KIRREL3: variants seen among roughly 807,000 people sequenced by gnomAD.
KIRREL3 encodes kin of IRRE-like protein 3.
In KIRREL3, 36 loss-of-function variants were observed where a neutral mutation model predicts 89.7. That is an observed-to-expected ratio of 0.40 (90% CI 0.31 to 0.53). The LOEUF (loss-of-function observed/expected upper bound fraction) is 0.53, where lower values mean the gene tolerates loss of function less well. Ranked by LOEUF, KIRREL3 falls within the 20% of genes least tolerant of loss-of-function variation. The pLI is 0.49. For synonymous variants in KIRREL3, 445 were observed against 441.4 expected (o/e 1.01, Z -0.10); for missense variants, 864 against 1,056.6 (o/e 0.82, Z 2.53).
Position 126,442,905 on chromosome 11 carries a change from A to C in KIRREL3, c.1252+2074T>G, listed in dbSNP as rs550525738. Among the ~76,000 whole-genome samples the C allele has an allele frequency of 1.5e-4, 23 of 152,296 alleles. No homozygotes were observed. In the East Asian group the frequency reaches 4.4e-3, roughly 29 times the overall value. On this transcript the variant is annotated intron_variant, in intron 10 of 16. Coordinates refer to ENST00000525144, the MANE Select transcript of KIRREL3 (RefSeq NM_032531.4). ...GAAGCCTCGGGGAGCTTGTGCTGGC[A>C]GGGGTGGAGGCAGAGGAGGGGAGAG...
chr11:126,766,063 C>T lies in KIRREL3; in HGVS notation c.56-203151G>A, dbSNP rs1205370330. 6.6e-6 allele frequency among the ~76,000 whole-genome samples: 1 copy of T among 151,868 alleles called. No homozygotes were observed. The highest frequency in any genetic ancestry group is 1.5e-5 in the Non-Finnish European group (1 of 67,982). On this transcript the variant is annotated intron_variant, in intron 1 of 16. Transcript: ENST00000525144. The surrounding 1 kb of genome is among the most constrained non-coding windows in gnomAD (Gnocchi z 4.2). The stretch of plus-strand genomic sequence containing the variant: ...TTGCTTTGCCGTTTACTTCCAAATT[C>T]CCATAACTCACTGCTTTTGCCAGCC...
At chr11:126,726,315 C>T (rs1429061064) in intron 1 of KIRREL3, among the ~76,000 whole-genome samples, 1 of 152,180 alleles carries the variant, frequency 6.6e-6, no homozygotes, top group Non-Finnish European at 1.5e-5. Context: ...TTTCCCTGGA[C>T]TTCTCTGGGG....
At chr11:126,923,266 TCTCCTTCTCCTTCTCCTTCTC>T (rs1947528676) in intron 1 of KIRREL3, among the ~76,000 whole-genome samples, 12 of 79,148 alleles carry the variant, frequency 1.5e-4, no homozygotes, top group African/African-American at 3.8e-4. Context: ...TTCTTCTTCT[TCTCCTTCTCCTTCTCCTTCTC>T]CTTCTCCTTC....
At chr11:126,600,309 C>A (rs1942596023) in intron 1 of KIRREL3, among the ~76,000 whole-genome samples, 1 of 152,236 alleles carries the variant, frequency 6.6e-6, no homozygotes, top group Non-Finnish European at 1.5e-5. Context: ...TGACTTACAT[C>A]TTGATTGCAG....
At chr11:126,693,239 C>T (rs771436549) in intron 1 of KIRREL3, among the ~76,000 whole-genome samples, 3 of 152,106 alleles carry the variant, frequency 2.0e-5, no homozygotes, top group East Asian at 3.9e-4. Flanking sequence ...GGCAACACAG[C>T]GAAACCCTGT....
rs1014297247 is a variant in KIRREL3 at position 126,624,338 on chromosome 11, A to C, written c.56-61426T>G. On this transcript the variant is annotated intron_variant, in intron 1 of 16. Transcript: ENST00000525144. This position sits in a 1 kb window ranked among gnomAD's most constrained non-coding sequence, Gnocchi z 6.0. The stretch of plus-strand genomic sequence containing the variant: ...TTCTCCTCTGATTTCCACTAGGAAA[A>C]AACAAAACAAAACAAAACAAAACCT... Among the ~76,000 whole-genome samples, 3 of 152,156 alleles carry C rather than the reference A, an allele frequency of 2.0e-5. No individual in the cohort carries two copies. The highest frequency in any genetic ancestry group is 7.2e-5 in the African/African-American group (3 of 41,420).
At chr11:126,586,087 G>A (rs1169258589) in intron 1 of KIRREL3, among the ~76,000 whole-genome samples, 1 of 152,142 alleles carries the variant, frequency 6.6e-6, no homozygotes, top group African/African-American at 2.4e-5. Flanking sequence ...GCATTACTCA[G>A]CCACAGGATC....
chr11:126,856,846 G>T (rs1270574930), intron 1 of KIRREL3, among the ~76,000 whole-genome samples: 5 of 151,938 alleles, frequency 3.3e-5, no homozygotes, highest in Non-Finnish European at 7.4e-5. Flanking sequence ...ACTCACCTCG[G>T]CCTCCCAAAG....
chr11:126,424,923 C>T lies in KIRREL3; in HGVS notation c.1994G>A (p.Gly665Asp). ...CATGCCTGTGGGCACACGCTGCTTGCCCGCAGGACGCAGGTCGGGCTGGCA... is the reference window on the plus strand; with the variant it reads ...CATGCCTGTGGGCACACGCTGCTTGTCCGCAGGACGCAGGTCGGGCTGGCA... ...SSCQPDLRPA[G>D]KQRVPTGMSF... is the part of the protein sequence containing the mutation. The change falls in exon 17 of 17, where the codon GGC (glycine) becomes GAC (aspartate). Residue 665 changes from glycine (G) to aspartate (D), a missense_variant. Gly to Asp is a moderately conservative substitution (Grantham distance 94). Transcript: ENST00000525144. 6.2e-7 allele frequency: 1 copy of T among 1,603,800 alleles called. No homozygotes were observed. Among genetic ancestry groups the T allele is most frequent in the Non-Finnish European group, 8.5e-7 (1 of 1,172,038 alleles).
In KIRREL3 at chr11:126,696,249, T is replaced by A. The variant is rs1186802067; in HGVS notation, c.56-133337A>T. Reference sequence around the variant, plus strand: ...TCCAGCCTGGGCCACTGAGCGAGACTCTATCTCAATTAAAAAAAAAAAAAA... The same window carrying A: ...TCCAGCCTGGGCCACTGAGCGAGACACTATCTCAATTAAAAAAAAAAAAAA... On this transcript the variant is annotated intron_variant, in intron 1 of 16. Transcript: ENST00000525144. This position sits in a 1 kb window ranked among gnomAD's most constrained non-coding sequence, Gnocchi z 4.4. Among the ~76,000 whole-genome samples the A allele has an allele frequency of 6.7e-6, 1 of 149,856 alleles. No homozygotes were observed. Among genetic ancestry groups the A allele is most frequent in the Non-Finnish European group, 1.5e-5 (1 of 67,704 alleles).
chr11:126,880,595 A>G (rs551060257), intron 1 of KIRREL3, among the ~76,000 whole-genome samples: 1 of 152,040 alleles, frequency 6.6e-6, no homozygotes, highest in Non-Finnish European at 1.5e-5. Flanking sequence ...TGCAGAAACC[A>G]AGGTAACAAT....
chr11:126,794,563 T>C, intron 1 of KIRREL3, among the ~76,000 whole-genome samples: 1 of 152,238 alleles, frequency 6.6e-6, no homozygotes, highest in East Asian at 1.9e-4. Flanking sequence ...TATTGATTTG[T>C]ATTACAAAAA....
Position 126,969,260 on chromosome 11 carries a change from C to T in KIRREL3, c.55+31195G>A, listed in dbSNP as rs1280224051. 6.6e-6 allele frequency among the ~76,000 whole-genome samples: 1 copy of T among 152,168 alleles called. No individual in the cohort carries two copies. Among genetic ancestry groups the T allele is most frequent in the Non-Finnish European group, 1.5e-5 (1 of 68,038 alleles). ...GACACAATAGACATGGAGTGCCTCCCATGGACACAGGGAATGAAGGGATAG... is the reference window on the plus strand; with the variant it reads ...GACACAATAGACATGGAGTGCCTCCTATGGACACAGGGAATGAAGGGATAG... On this transcript the variant is annotated intron_variant, in intron 1 of 16. Transcript: ENST00000525144. This position sits in a 1 kb window ranked among gnomAD's most constrained non-coding sequence, Gnocchi z 4.9.
At chr11:126,927,461 T>A (rs1199357326) in intron 1 of KIRREL3, among the ~76,000 whole-genome samples, 2 of 152,266 alleles carry the variant, frequency 1.3e-5, no homozygotes. Context: ...TGTGAGTTTG[T>A]ACTAGGCTTA....
Position 126,443,925 on chromosome 11 carries a change from G to C in KIRREL3, c.1252+1054C>G, listed in dbSNP as rs117632196. ...GGGCAGTGGGCATGACAGAGGTGAG[G>C]GGGGAGCATTCGGAAACGGCAGAGG... On this transcript the variant is annotated intron_variant, in intron 10 of 16. Transcript: ENST00000525144. This position sits in a 1 kb window ranked among gnomAD's most constrained non-coding sequence, Gnocchi z 7.3. 1.2e-3 allele frequency among the ~76,000 whole-genome samples: 178 copies of C among 152,278 alleles called. No individual in the cohort carries two copies. Among genetic ancestry groups the C allele is most frequent in the South Asian group, 2.3e-3 (11 of 4,820 alleles).
chr11:126,713,934 C>A (rs1294809010), intron 1 of KIRREL3, among the ~76,000 whole-genome samples: 1 of 152,162 alleles, frequency 6.6e-6, no homozygotes, highest in Non-Finnish European at 1.5e-5. Flanking sequence ...TAGGGCAGGT[C>A]AGCTAAGGAC....
In KIRREL3 at chr11:126,611,069, A is replaced by G. The variant is rs780645785; in HGVS notation, c.56-48157T>C. On this transcript the variant is annotated intron_variant, in intron 1 of 16. Transcript: ENST00000525144. The surrounding 1 kb of genome is among the most constrained non-coding windows in gnomAD (Gnocchi z 4.7). ...GGGGCTAAGAGTACAGGTGCAAGAG[A>G]CAGACCGCCCACATTAAAATCTGAC... 9 of 152,184 alleles carry G rather than the reference A, an allele frequency of 5.9e-5. No homozygotes were observed. The highest frequency in any genetic ancestry group is 9.7e-5 in the African/African-American group (4 of 41,444). The allele number at this position is 152,184 out of a possible 1,614,324, so 9.4% of individuals were successfully genotyped here. A position where few individuals can be genotyped will look rare whatever the true frequency, so the allele number is the denominator to read the frequency against.
rs932602827 is a variant in KIRREL3 at position 126,578,662 on chromosome 11, C to T, written c.56-15750G>A. 1.3e-5 allele frequency among the ~76,000 whole-genome samples: 2 copies of T among 152,148 alleles called. No homozygotes were observed. The highest frequency in any genetic ancestry group is 2.9e-5 in the Non-Finnish European group (2 of 68,030). ...CCTGGGGGAGGGACTCAGAATCCGCCTCACACCCATGGAGAGTTCTCGCAA... is the reference window on the plus strand; with the variant it reads ...CCTGGGGGAGGGACTCAGAATCCGCTTCACACCCATGGAGAGTTCTCGCAA... On this transcript the variant is annotated intron_variant, in intron 1 of 16. Coordinates refer to ENST00000525144, the MANE Select transcript of KIRREL3 (RefSeq NM_032531.4). The surrounding 1 kb of genome is among the most constrained non-coding windows in gnomAD (Gnocchi z 4.9).
At chr11:126,650,949 T>A (rs892242238) in intron 1 of KIRREL3, among the ~76,000 whole-genome samples, 1 of 152,208 alleles carries the variant, frequency 6.6e-6, no homozygotes, top group African/African-American at 2.4e-5. Context: ...ACTTCTTACA[T>A]GGCAGTGGTA....
Sources: allele counts gnomAD v4.1 joint callset (sites outside exome capture counted in the v4.1 genomes callset), GRCh38; gene constraint gnomAD v4.1.1; non-coding constraint Gnocchi (gnomAD v3.1); transcripts MANE v1.5; gene names NCBI Gene and HGNC (gene_info 2026-07-23, HGNC 2026-07-21).